The following GLYATL3 variants were observed in gnomAD, a reference collection of about 807,000 sequenced individuals.
The protein encoded by GLYATL3 is glycine-N-acyltransferase like 3.
GLYATL3 carries 31 observed loss-of-function variants against 28.5 expected under a neutral mutation model. The ratio of observed to expected loss-of-function variants is 1.09; its 90% CI spans 0.82 to 1.47. GLYATL3 has a LOEUF of 1.47. GLYATL3 is among the 40% of genes most tolerant of loss of function. The pLI is 0.00. For synonymous variants in GLYATL3, 141 were observed against 140.2 expected (o/e 1.01, Z -0.04); for missense variants, 369 against 351.5 (o/e 1.05, Z -0.40).
intron 5 of GLYATL3, among the ~76,000 whole-genome samples, chr6:49,522,329 AAG>A (rs1769330264): frequency 6.6e-6 from 1 of 152,164 alleles, no homozygotes; most frequent in African/African-American, 2.4e-5. Context: ...AGAGCCAAGA[AAG>A]AATCCCAAGT....
chr6:49,517,199 C>A (rs1769232133), intron 3 of GLYATL3, among the ~76,000 whole-genome samples: 1 of 151,010 alleles, frequency 6.6e-6, no homozygotes, highest in African/African-American at 2.4e-5. Context: ...AAGAAAAACT[C>A]TTTCCTAATC....
intron 1 of GLYATL3, among the ~76,000 whole-genome samples, chr6:49,506,866 G>A (rs533882002): frequency 1.3e-4 from 20 of 152,248 alleles, no homozygotes; most frequent in Middle Eastern, 3.4e-3. Flanking sequence ...GCACCAGGAC[G>A]TGGACTGGGG....
chr6:49,505,106 T>C (rs1768987110), intron 1 of GLYATL3, among the ~76,000 whole-genome samples: 1 of 152,152 alleles, frequency 6.6e-6, no homozygotes. Context: ...TTAGTATGAG[T>C]GAGTTGATGA....
At chr6:49,500,226 C>T (rs1209384777) in intron 1 of GLYATL3, among the ~76,000 whole-genome samples, 184 bp downstream of exon 1, 1 of 151,778 alleles carries the variant, frequency 6.6e-6, no homozygotes, top group Non-Finnish European at 1.5e-5. Context: ...GTTTTTTTAA[C>T]TCCTAAATTT....
In GLYATL3 at chr6:49,526,859, G is replaced by A. The variant is rs754703780; in HGVS notation, c.812G>A (p.Arg271His). Residue 271 changes from arginine (R) to histidine (H), a missense_variant, in exon 6 of 6, where the codon CGC (arginine) becomes CAC (histidine). Transcript: ENST00000371197. Reference protein sequence around the residue: ...KSLHAEFLPCRFHRLILTPAT... With the variant: ...KSLHAEFLPCHFHRLILTPAT... ...CTCCATGCTGAGTTCTTGCCTTGTC[G>A]CTTCCACAGGCTTATTCTCACCCCT... 9.4e-5 allele frequency: 146 copies of A among 1,550,812 alleles called. No individual in the cohort carries two copies. The highest frequency in any genetic ancestry group is 3.3e-4 in the Middle Eastern group (2 of 6,010).
chr6:49,514,029 C>T (rs1769168573), intron 2 of GLYATL3, among the ~76,000 whole-genome samples: 1 of 152,160 alleles, frequency 6.6e-6, no homozygotes, highest in South Asian at 2.1e-4. Flanking sequence ...CCATTGAAAT[C>T]TAACACATGC....
intron 1 of GLYATL3, 31 bp from the exon 2 acceptor site, chr6:49,511,932 A>G: frequency 1.2e-6 from 1 of 839,430 alleles, no homozygotes; most frequent in Non-Finnish European, 1.9e-6. Context: ...ACAGGCAAAA[A>G]TTAAATGCCT....
At position 49,500,477 on chromosome 6, in the gene GLYATL3, T is replaced by C. The variant is rs1768893387; in HGVS notation, c.-29+435T>C. On this transcript the variant is annotated intron_variant, in intron 1 of 5. Transcript: ENST00000371197. ...GTATTACATTACAAAAACAGAGATCTTATGTTTTATTGCTTATAAGACTTA... is the reference window on the plus strand; with the variant it reads ...GTATTACATTACAAAAACAGAGATCCTATGTTTTATTGCTTATAAGACTTA... Among the ~76,000 whole-genome samples, 3 of 152,188 alleles carry C rather than the reference T, an allele frequency of 2.0e-5. No homozygotes were observed. In the South Asian group the frequency reaches 6.2e-4, roughly 31 times the overall value.
At chr6:49,522,799 C>T (rs951792824) in intron 5 of GLYATL3, among the ~76,000 whole-genome samples, 1 of 152,138 alleles carries the variant, frequency 6.6e-6, no homozygotes, top group East Asian at 1.9e-4. Context: ...TATTGTATTT[C>T]TAATTATGAA....
At position 49,501,448 on chromosome 6, in the gene GLYATL3, G is replaced by A. The variant is rs534077219; in HGVS notation, c.-29+1406G>A. On this transcript the variant is annotated intron_variant, in intron 1 of 5. Coordinates refer to ENST00000371197, the MANE Select transcript of GLYATL3 (RefSeq NM_001010904.2). ...TTTATTATTAAGTTTAGTGAGGGCA[G>A]CGGTAGGTTAGTGAGGGATTTAGGG... Among the ~76,000 whole-genome samples the A allele has an allele frequency of 2.0e-5, 3 of 152,310 alleles. No individual in the cohort carries two copies. The East Asian group carries it at 5.8e-4, about 29-fold the overall frequency.
At chr6:49,515,543 T>G in intron 2 of GLYATL3, 110 bp from the exon 3 acceptor site, 5 of 624,656 alleles carry the variant, frequency 8.0e-6, no homozygotes, top group Non-Finnish European at 1.2e-5. Flanking sequence ...ATATTTATAA[T>G]TTCCCCTCTT....
At chr6:49,509,950 C>CCTT (rs1158048388) in intron 1 of GLYATL3, among the ~76,000 whole-genome samples, 1,310 of 19,094 alleles carry the variant, frequency 0.069, 12 homozygotes, top group Non-Finnish European at 0.2. Context: ...TTTTCTTTCT[C>CCTT]TTTCTTTCTT....
At chr6:49,522,609 A>T (rs1195415625) in intron 5 of GLYATL3, among the ~76,000 whole-genome samples, 1 of 152,214 alleles carries the variant, frequency 6.6e-6, no homozygotes. Context: ...AAAAGTTGTA[A>T]TATTTTCCTG....
At chr6:49,500,637 G>A (rs1768896289) in intron 1 of GLYATL3, among the ~76,000 whole-genome samples, 2 of 152,106 alleles carry the variant, frequency 1.3e-5, no homozygotes, top group Admixed American at 1.3e-4. Context: ...ACTTACATGA[G>A]CATAATTCTT....
At chr6:49,506,166 T>C (rs1561975762) in intron 1 of GLYATL3, among the ~76,000 whole-genome samples, 1 of 152,228 alleles carries the variant, frequency 6.6e-6, no homozygotes. Flanking sequence ...AGTGAGCTTC[T>C]AGCTGCATTC....
intron 1 of GLYATL3, among the ~76,000 whole-genome samples, chr6:49,507,308 A>G (rs1436157202): frequency 6.6e-6 from 1 of 152,098 alleles, no homozygotes; most frequent in East Asian, 1.9e-4. Context: ...ATAGGAAGTA[A>G]AACACCATCT....
chr6:49,526,090 G>T (rs763143069), intron 5 of GLYATL3, among the ~76,000 whole-genome samples: 23 of 152,148 alleles, frequency 1.5e-4, no homozygotes, highest in Non-Finnish European at 3.4e-4. Flanking sequence ...TGCCCTCTCA[G>T]GGATGGTTTC....
intron 4 of GLYATL3, among the ~76,000 whole-genome samples, chr6:49,518,039 C>T (rs140060895): frequency 3.9e-5 from 6 of 151,926 alleles, no homozygotes; most frequent in African/African-American, 1.4e-4. Flanking sequence ...TGTTTTTTTT[C>T]TGAGTCAAGG....
At chr6:49,521,943 T>C (rs1470304143) in intron 5 of GLYATL3, among the ~76,000 whole-genome samples, 172 bp downstream of exon 5, 3 of 152,048 alleles carry the variant, frequency 2.0e-5, no homozygotes, top group Non-Finnish European at 4.4e-5. Context: ...ACTCTTCTCC[T>C]CTCTCCTGTG....
Sources: gnomAD v4.1 joint callset for allele counts (sites outside exome capture counted in the v4.1 genomes callset) on GRCh38, gnomAD v4.1.1 for gene constraint, MANE v1.5 for transcripts, NCBI Gene and HGNC (gene_info 2026-07-23, HGNC 2026-07-21) for gene names.